The following RASAL2 variants were observed in gnomAD, a reference collection of about 807,000 sequenced individuals.
RASAL2 encodes the protein ras GTPase-activating protein nGAP.
In RASAL2, 58 loss-of-function variants were observed where a neutral mutation model predicts 128.9. The ratio of observed to expected loss-of-function variants is 0.45; its 90% CI spans 0.36 to 0.56. RASAL2 has a LOEUF of 0.56. RASAL2 is among the 20% of genes least tolerant of loss of function. The pLI is 0.00. For synonymous variants in RASAL2, 561 were observed against 580.8 expected (o/e 0.97, Z 0.49); for missense variants, 1,360 against 1,601.6 (o/e 0.85, Z 2.57).
chr1:178,335,850 C>G (rs1021285390), intron 3 of RASAL2, among the ~76,000 whole-genome samples: 3 of 151,180 alleles, frequency 2.0e-5, no homozygotes, highest in Non-Finnish European at 4.4e-5. Context: ...TAATTTGGAA[C>G]AATATGCAAG....
In RASAL2 at chr1:178,206,578, G is replaced by A. The variant is rs147184425; in HGVS notation, c.203-76986G>A. ...GCATAGAAAGCTTCCTGGCTGCAAA[G>A]TCCTTGTTCTTTACAGTTCATCACT... On this transcript the variant is annotated intron_variant, in intron 1 of 17. Coordinates refer to ENST00000367649, the MANE Select transcript of RASAL2 (RefSeq NM_170692.4). Among the ~76,000 whole-genome samples the A allele has an allele frequency of 7.4e-4, 112 of 152,284 alleles. 2 individuals are homozygous for A. In the Middle Eastern group the frequency reaches 0.01, roughly 14 times the overall value.
intron 1 of RASAL2, among the ~76,000 whole-genome samples, chr1:178,239,107 T>C (rs903628804): frequency 5.3e-5 from 8 of 152,154 alleles, no homozygotes; most frequent in Non-Finnish European, 1.2e-4. Context: ...TGATTACTTA[T>C]TCACCTTTAC....
chr1:178,247,635 TC>T (rs756741929), intron 1 of RASAL2, among the ~76,000 whole-genome samples: 3 of 152,202 alleles, frequency 2.0e-5, no homozygotes, highest in Non-Finnish European at 2.9e-5. Context: ...TTCTCTTGCT[TC>T]TCTAGTTCTT....
chr1:178,426,741 T>C (rs1286503896), intron 5 of RASAL2, among the ~76,000 whole-genome samples: 1 of 152,066 alleles, frequency 6.6e-6, no homozygotes, highest in Non-Finnish European at 1.5e-5. Flanking sequence ...TCTTGAAAAT[T>C]CTGAGCGGAA....
intron 1 of RASAL2, among the ~76,000 whole-genome samples, chr1:178,277,278 C>T (rs922374280): frequency 2.6e-5 from 4 of 152,030 alleles, no homozygotes; most frequent in Non-Finnish European, 5.9e-5. Flanking sequence ...CCCACCTCAG[C>T]TTCCCAAGTA....
intron 5 of RASAL2, among the ~76,000 whole-genome samples, chr1:178,436,069 A>T (rs1676236414): frequency 6.6e-6 from 1 of 152,104 alleles, no homozygotes; most frequent in African/African-American, 2.4e-5. Context: ...GTAAACATGA[A>T]TTAGAGGAAA....
At chr1:178,352,127 T>A (rs939290118) in intron 3 of RASAL2, among the ~76,000 whole-genome samples, 2 of 152,350 alleles carry the variant, frequency 1.3e-5, no homozygotes, top group African/African-American at 4.8e-5. Flanking sequence ...ATAGGAATGC[T>A]ATGTTTTCTA....
chr1:178,256,492 A>T (rs932553710), intron 1 of RASAL2, among the ~76,000 whole-genome samples: 1 of 152,214 alleles, frequency 6.6e-6, no homozygotes, highest in Non-Finnish European at 1.5e-5. Flanking sequence ...AATTCTAACC[A>T]GGGCAATTAG....
intron 1 of RASAL2, among the ~76,000 whole-genome samples, chr1:178,208,425 C>A (rs772619898): frequency 3.5e-4 from 53 of 152,170 alleles, no homozygotes; most frequent in Non-Finnish European, 7.2e-4. Context: ...GAGATAAGGA[C>A]TGAGATACGC....
intron 4 of RASAL2, among the ~76,000 whole-genome samples, chr1:178,418,498 A>T (rs1674921137): frequency 6.6e-6 from 1 of 152,172 alleles, no homozygotes; most frequent in African/African-American, 2.4e-5. Flanking sequence ...TATTATGTCT[A>T]TGTGATATAT....
At chr1:178,403,256 G>T (rs2102666396) in intron 4 of RASAL2, among the ~76,000 whole-genome samples, 1 of 152,088 alleles carries the variant, frequency 6.6e-6, no homozygotes, top group African/African-American at 2.4e-5. Flanking sequence ...ATTTTGAGGG[G>T]GTTTTCCCTC....
chr1:178,115,051 G>A (rs868727913), intron 1 of RASAL2, among the ~76,000 whole-genome samples: 3 of 152,140 alleles, frequency 2.0e-5, no homozygotes, highest in Admixed American at 6.5e-5. Context: ...AAGAGTTTGT[G>A]TAGAATTAGT....
intron 5 of RASAL2, among the ~76,000 whole-genome samples, chr1:178,422,767 C>CA (rs952497012): frequency 6.6e-6 from 1 of 152,196 alleles, no homozygotes. Flanking sequence ...ATCTAAGTAG[C>CA]AAAACATTTC....
At chr1:178,260,078 C>T (rs922950337) in intron 1 of RASAL2, among the ~76,000 whole-genome samples, 9 of 151,456 alleles carry the variant, frequency 5.9e-5, no homozygotes, top group African/African-American at 9.7e-5. Flanking sequence ...TGAGGCCAGG[C>T]GCGTTGGCTC....
At position 178,457,991 on chromosome 1, in the gene RASAL2, C is replaced by T. The variant is rs772517595; in HGVS notation, c.2699C>T (p.Ala900Val). 5 of 1,614,022 alleles carry T rather than the reference C, an allele frequency of 3.1e-6. No individual in the cohort carries two copies. Among genetic ancestry groups the T allele is most frequent in the Non-Finnish European group, 4.2e-6 (5 of 1,180,044 alleles). The change falls in exon 14 of 18, where the codon GCA (alanine) becomes GTA (valine). Residue 900 changes from alanine to valine, a missense_variant. Around this residue, in one of 3 missense-constraint regions of RASAL2, gnomAD observed 741 missense variants for 868.6 expected, o/e 0.85. Transcript: ENST00000367649. Reference sequence around the variant, plus strand: ...GAAACCCAGAGCACTCCCCAAAGTGCACCCCAAGTGAGAAGGCCCCTGCAC... The same window carrying T: ...GAAACCCAGAGCACTCCCCAAAGTGTACCCCAAGTGAGAAGGCCCCTGCAC... ...LRETQSTPQS[A>V]PQVRRPLHPA...
intron 1 of RASAL2, among the ~76,000 whole-genome samples, chr1:178,219,643 A>T (rs563376732): frequency 7.9e-4 from 120 of 151,814 alleles, no homozygotes; most frequent in Non-Finnish European, 1.6e-3. Context: ...AAAAAAAAAA[A>T]AAAAGAAAGA....
intron 3 of RASAL2, among the ~76,000 whole-genome samples, chr1:178,374,736 C>T (rs1466104276): frequency 6.6e-6 from 1 of 152,132 alleles, no homozygotes; most frequent in Admixed American, 6.6e-5. Flanking sequence ...TCCCTTCCAA[C>T]CAAATTGATT....
chr1:178,268,368 T>G (rs1364764276), intron 1 of RASAL2, among the ~76,000 whole-genome samples: 1 of 151,868 alleles, frequency 6.6e-6, no homozygotes, highest in Non-Finnish European at 1.5e-5. Context: ...CTTGGGAGGC[T>G]GAGGCAGGAG....
chr1:178,374,864 CT>C (rs2102535189), intron 3 of RASAL2, among the ~76,000 whole-genome samples: 1 of 152,174 alleles, frequency 6.6e-6, no homozygotes, highest in African/African-American at 2.4e-5. Flanking sequence ...TCAAAACTTT[CT>C]TATAAATAAA....
Sources: gnomAD v4.1 joint callset for allele counts (sites outside exome capture counted in the v4.1 genomes callset) on GRCh38, gnomAD v4.1.1 for gene constraint, gnomAD v4.1.1 regional missense constraint, MANE v1.5 for transcripts, NCBI Gene and HGNC (gene_info 2026-07-23, HGNC 2026-07-21) for gene names.